CSMD1: variants seen among roughly 807,000 people sequenced by gnomAD.
CSMD1 encodes CUB and sushi domain-containing protein 1.
A neutral mutation model predicts 417.5 loss-of-function variants in CSMD1; 213 were observed. The observed-to-expected ratio is 0.51, with a 90% CI of 0.46 to 0.57. The LOEUF is 0.57. Among genes scored for constraint, CSMD1 ranks in the 20% least tolerant of loss-of-function variants. The pLI, the probability that CSMD1 is intolerant of heterozygous loss-of-function variation, is 0.00. For synonymous variants in CSMD1, 2,862 were observed against 1,736.8 expected (o/e 1.65, Z -16.11); for missense variants, 6,923 against 4,529.7 (o/e 1.53, Z -15.17).
In CSMD1 at chr8:3,488,497, G is replaced by A. The variant is rs147681555; in HGVS notation, c.1448+5126C>T. ...TAGTATGCTTCTTGCAGTATAAAAT[G>A]TAATACAAAATTTATAGCAGTATTA... On this transcript the variant is annotated intron_variant, in intron 11 of 69. Coordinates refer to ENST00000635120, the MANE Select transcript of CSMD1 (RefSeq NM_033225.6). Among the ~76,000 whole-genome samples, 1,028 of 152,214 alleles carry A rather than the reference G, an allele frequency of 6.8e-3. 14 individuals carry two copies. The highest frequency in any genetic ancestry group is 0.024 in the African/African-American group (990 of 41,518).
At chr8:3,585,200 G>A (rs1054248792) in intron 9 of CSMD1, among the ~76,000 whole-genome samples, 2 of 152,204 alleles carry the variant, frequency 1.3e-5, no homozygotes, top group Non-Finnish European at 2.9e-5. Flanking sequence ...GAGGACGATA[G>A]TGACGTGTTT....
Position 2,965,892 on chromosome 8 carries a change from A to G in CSMD1, c.9163T>C (p.Phe3055Leu). The change falls in exon 59 of 70, where the codon TTC becomes CTC. Residue 3055 changes from phenylalanine to leucine, a missense_variant. By Grantham distance (22) the Phe-to-Leu change is conservative. Transcript: ENST00000635120. ...NGIQFGTDFT[F>L]NKTVSYQCNP... ...CACTGATAGCTCACAGTCTTGTTGA[A>G]GGTGAAGTCGGTCCCAAACTGGATG... The G allele has an allele frequency of 1.9e-6, 3 of 1,610,626 alleles. No individual in the cohort carries two copies. The highest frequency in any genetic ancestry group is 2.5e-6 in the Non-Finnish European group (3 of 1,178,472).
intron 3 of CSMD1, among the ~76,000 whole-genome samples, chr8:4,089,594 G>A (rs1303687255): frequency 1.3e-5 from 2 of 152,140 alleles, no homozygotes; most frequent in African/African-American, 4.8e-5. Context: ...TTCTCTCAAA[G>A]GTTAAATGGG....
Position 4,312,439 on chromosome 8 carries a change from G to GTA in CSMD1, c.415+107512_415+107513dup, listed in dbSNP as rs1491502161. ...TATATATGCGCGTATATATATATGC[G>GTA]TATATATATACGTATATATATGCGC... On this transcript the variant is annotated intron_variant, in intron 3 of 69. Coordinates refer to ENST00000635120, the MANE Select transcript of CSMD1 (RefSeq NM_033225.6). Among the ~76,000 whole-genome samples the GTA allele has an allele frequency of 3.3e-4, 36 of 110,682 alleles. 1 individual carries two copies. The highest frequency in any genetic ancestry group is 2.2e-3 in the East Asian group (11 of 4,994). The allele number at this position is 110,682 out of a possible 152,430, so 72.6% of individuals were successfully genotyped here. A position where few individuals can be genotyped will look rare whatever the true frequency, so the allele number is the denominator to read the frequency against.
intron 23 of CSMD1, among the ~76,000 whole-genome samples, chr8:3,324,611 C>A (rs528076348): frequency 6.6e-6 from 1 of 151,400 alleles, no homozygotes; most frequent in African/African-American, 2.4e-5. Context: ...TCCTTCCCCC[C>A]ACCTTTCATC....
chr8:3,318,583 A>T (rs1326886617), intron 23 of CSMD1, among the ~76,000 whole-genome samples: 1 of 152,236 alleles, frequency 6.6e-6, no homozygotes, highest in Non-Finnish European at 1.5e-5. Flanking sequence ...AATATGCAGT[A>T]TCTTTCGTGA....
intron 69 of CSMD1, among the ~76,000 whole-genome samples, chr8:2,940,712 T>A (rs1801811428): frequency 6.6e-6 from 1 of 152,200 alleles, no homozygotes; most frequent in African/African-American, 2.4e-5. Flanking sequence ...AATATGCATA[T>A]ATAATTATGT....
chr8:4,988,068 G>A (rs1811271803), intron 1 of CSMD1, among the ~76,000 whole-genome samples: 1 of 152,014 alleles, frequency 6.6e-6, no homozygotes, highest in African/African-American at 2.4e-5. Context: ...TATCCTATTT[G>A]TTCTGTCCCT....
intron 7 of CSMD1, among the ~76,000 whole-genome samples, chr8:3,671,729 G>A (rs530129965): frequency 6.6e-5 from 10 of 151,688 alleles, no homozygotes; most frequent in Middle Eastern, 3.4e-3. Context: ...GCCCAGCACC[G>A]GCAGGCTGCC....
chr8:3,679,438 A>C (rs920507352), intron 7 of CSMD1, among the ~76,000 whole-genome samples: 1 of 152,208 alleles, frequency 6.6e-6, no homozygotes, highest in African/African-American at 2.4e-5. Flanking sequence ...GAGACAAAGA[A>C]AGCCATTACG....
In CSMD1 at chr8:4,679,839, G is replaced by T. The variant is rs541767458; in HGVS notation, c.86-42281C>A. ...TAAATGTTTATTTAAATATGTAATA[G>T]ATTAAATATGTAAAATATATACAAT... On this transcript the variant is annotated intron_variant, in intron 1 of 69. Coordinates refer to ENST00000635120, the MANE Select transcript of CSMD1 (RefSeq NM_033225.6). Among the ~76,000 whole-genome samples, 6 of 152,038 alleles carry T rather than the reference G, an allele frequency of 3.9e-5. No individual in the cohort carries two copies. In the South Asian group the frequency reaches 1.2e-3, roughly 32 times the overall value.
chr8:4,078,134 C>T (rs1394334116), intron 3 of CSMD1, among the ~76,000 whole-genome samples: 1 of 152,118 alleles, frequency 6.6e-6, no homozygotes, highest in South Asian at 2.1e-4. Flanking sequence ...CTATAATGAA[C>T]TTTAAAATCA....
chr8:4,112,951 C>T (rs943628977), intron 3 of CSMD1, among the ~76,000 whole-genome samples: 70 of 152,276 alleles, frequency 4.6e-4, no homozygotes, highest in Non-Finnish European at 1.6e-4. Flanking sequence ...TTTTGCGTTA[C>T]ATTTTGGTAA....
At chr8:3,635,048 T>TA (rs58803215) in intron 7 of CSMD1, among the ~76,000 whole-genome samples, 4,084 of 145,842 alleles carry the variant, frequency 0.028, 324 homozygotes, top group Admixed American at 0.16. Flanking sequence ...TGTTTAATGA[T>TA]AAAAAAAAAA....
intron 12 of CSMD1, among the ~76,000 whole-genome samples, chr8:3,419,078 G>A (rs1170122629): frequency 6.6e-6 from 1 of 152,194 alleles, no homozygotes; most frequent in Non-Finnish European, 1.5e-5. Context: ...CATTGTTTAA[G>A]GCTGAAACGC....
In CSMD1 at chr8:4,473,998, A is replaced by T. The variant is rs73660882; in HGVS notation, c.303-53933T>A. Among the ~76,000 whole-genome samples the T allele has an allele frequency of 6.7e-3, 1,023 of 152,288 alleles. 10 individuals carry two copies. The highest frequency in any genetic ancestry group is 0.024 in the African/African-American group (991 of 41,564). ...GTGTCAAAAGAGACACAAAAAATTA[A>T]TTTCAGAAAGACCCAATCCATTAAA... On this transcript the variant is annotated intron_variant, in intron 2 of 69. Coordinates refer to ENST00000635120, the MANE Select transcript of CSMD1 (RefSeq NM_033225.6).
intron 26 of CSMD1, among the ~76,000 whole-genome samples, chr8:3,266,643 C>G (rs1403908282): frequency 7.3e-6 from 1 of 136,918 alleles, no homozygotes; most frequent in Non-Finnish European, 1.5e-5. Context: ...GGCATGGTGG[C>G]AAGCATCTGT....
At chr8:3,321,813 G>T (rs558886171) in intron 23 of CSMD1, among the ~76,000 whole-genome samples, 1 of 152,120 alleles carries the variant, frequency 6.6e-6, no homozygotes, top group Admixed American at 6.5e-5. Flanking sequence ...TTTCAAAATC[G>T]TGAAAATAAA....
chr8:4,091,188 G>A (rs1174919909), intron 3 of CSMD1, among the ~76,000 whole-genome samples: 1 of 151,940 alleles, frequency 6.6e-6, no homozygotes, highest in South Asian at 2.1e-4. Flanking sequence ...CAAAGTGCTG[G>A]GATTACGGGC....
Sources: allele counts gnomAD v4.1 joint callset (sites outside exome capture counted in the v4.1 genomes callset), GRCh38; gene constraint gnomAD v4.1.1; transcripts MANE v1.5; gene names NCBI Gene and HGNC (gene_info 2026-07-23, HGNC 2026-07-21).